Variants in TSC22D1 observed in about 807,000 individuals in gnomAD.
The protein encoded by TSC22D1 is TSC22 domain family member 1.
A neutral mutation model predicts 74.2 loss-of-function variants in TSC22D1; 9 were observed. The observed-to-expected ratio is 0.12, with a 90% CI of 0.07 to 0.21. The LOEUF (loss-of-function observed/expected upper bound fraction) is 0.21, where lower values mean the gene tolerates loss of function less well. Among genes scored for constraint, TSC22D1 ranks in the 10% least tolerant of loss-of-function variants. The pLI is 1.00. For synonymous variants in TSC22D1, 586 were observed against 492.5 expected, an observed-to-expected ratio of 1.19 and a Z score of -2.51; for missense variants, 1,427 against 1,304.7, an observed-to-expected ratio of 1.09 and a Z score of -1.44.
At position 44,575,628 on chromosome 13, in the gene TSC22D1, G is replaced by C. The variant is rs765930394; in HGVS notation, c.447C>G (p.Leu149=). 6.2e-7 allele frequency: 1 copy of C among 1,614,196 alleles called. No homozygotes were observed. The highest frequency in any genetic ancestry group is 1.1e-5 in the South Asian group (1 of 91,080). The change falls in exon 1 of 3, where the codon CTC becomes CTG. Residue 149 remains leucine, a synonymous_variant. Transcript: ENST00000458659. The part of the protein sequence containing the change: ...DDLDESHTED[L]SSSEILDVSL... ...ACACATCAAGGATCTCCGAAGAAGA[G>C]AGATCTTCCGTGTGAGATTCATCCA...
chr13:44,529,033 A>T (rs1476065914), intron 1 of TSC22D1, among the ~76,000 whole-genome samples: 1 of 152,130 alleles, frequency 6.6e-6, no homozygotes, highest in Non-Finnish European at 1.5e-5. Flanking sequence ...ATATGATACC[A>T]ATTCTCTATA....
chr13:44,515,013 C>G (rs1026073207), intron 1 of TSC22D1, among the ~76,000 whole-genome samples: 2 of 152,154 alleles, frequency 1.3e-5, no homozygotes, highest in Non-Finnish European at 2.9e-5. Context: ...GGAAAAGAGG[C>G]ATTCTCATCC....
chr13:44,474,399 A>T (rs1174246008), intron 1 of TSC22D1: 2 of 246,260 alleles, frequency 8.1e-6, no homozygotes, highest in Non-Finnish European at 1.3e-5. Flanking sequence ...GCAGTGGTCC[A>T]ATTTATTTAT....
In TSC22D1 at chr13:44,434,045, C is replaced by T; in HGVS notation, c.*581G>A. On this transcript the variant is annotated 3_prime_UTR_variant, in exon 3 of 3. Transcript: ENST00000458659. ...TCCCAGCTACCTGTCACCATTTTGT[C>T]ACTCTCATAGTTTTGTGTCATCCAT... 1 of 1,533,084 alleles carries T rather than the reference C, an allele frequency of 6.5e-7. No individual in the cohort carries two copies. The highest frequency in any genetic ancestry group is 8.7e-7 in the Non-Finnish European group (1 of 1,146,336). 95.0% of individuals were successfully genotyped at this position (1,533,084 alleles called of 1,614,324 possible). A position where few individuals can be genotyped will look rare whatever the true frequency, so the allele number is the denominator to read the frequency against.
At chr13:44,482,781 T>C (rs1186251983) in intron 1 of TSC22D1, among the ~76,000 whole-genome samples, 1 of 152,230 alleles carries the variant, frequency 6.6e-6, no homozygotes, top group Non-Finnish European at 1.5e-5. Context: ...GTTACTAAGA[T>C]AAAAATATAG....
intron 1 of TSC22D1, among the ~76,000 whole-genome samples, chr13:44,534,834 T>C (rs1397704679): frequency 6.6e-6 from 1 of 152,194 alleles, no homozygotes; most frequent in Non-Finnish European, 1.5e-5. Context: ...ACTTTCCTTT[T>C]GCTTTGCCAA....
At chr13:44,521,513 A>T (rs528081713) in intron 1 of TSC22D1, among the ~76,000 whole-genome samples, 1 of 152,284 alleles carries the variant, frequency 6.6e-6, no homozygotes, top group South Asian at 2.1e-4. Flanking sequence ...TATATTAAAA[A>T]AAGAAAGAAT....
chr13:44,490,936 A>AT (rs35585479), intron 1 of TSC22D1, among the ~76,000 whole-genome samples: 50,508 of 149,706 alleles, frequency 0.34, 10,051 homozygotes, highest in Middle Eastern at 0.53. Flanking sequence ...TCATTAAAAA[A>AT]AATATATATA....
At chr13:44,545,458 C>A (rs1881760407) in intron 1 of TSC22D1, among the ~76,000 whole-genome samples, 1 of 151,826 alleles carries the variant, frequency 6.6e-6, no homozygotes, top group Non-Finnish European at 1.5e-5. Context: ...CTAACAAATA[C>A]TTTTTTCATA....
chr13:44,550,919 G>A (rs1306159601), intron 1 of TSC22D1, among the ~76,000 whole-genome samples: 1 of 150,988 alleles, frequency 6.6e-6, no homozygotes, highest in Non-Finnish European at 1.5e-5. Context: ...CAGCCTGGGT[G>A]ACAAAGTGAG....
intron 1 of TSC22D1, among the ~76,000 whole-genome samples, chr13:44,546,782 G>C (rs947306619): frequency 6.6e-6 from 1 of 150,882 alleles, no homozygotes; most frequent in South Asian, 2.1e-4. Flanking sequence ...GTGTAGGTAT[G>C]TATGTATGTA....
chr13:44,537,899 CT>C (rs1249420949), intron 1 of TSC22D1: 2 of 985,048 alleles, frequency 2.0e-6, no homozygotes, highest in Non-Finnish European at 1.2e-6. Flanking sequence ...ATTAATAACT[CT>C]AGAATGTCTA....
intron 1 of TSC22D1, among the ~76,000 whole-genome samples, chr13:44,532,524 A>C (rs1430926309): frequency 1.3e-5 from 2 of 152,072 alleles, no homozygotes; most frequent in African/African-American, 4.8e-5. Flanking sequence ...CCCAGGCTGG[A>C]GTGCAGTGGC....
At chr13:44,455,100 T>C (rs1326096255) in intron 1 of TSC22D1, among the ~76,000 whole-genome samples, 1 of 152,090 alleles carries the variant, frequency 6.6e-6, no homozygotes, top group Non-Finnish European at 1.5e-5. Flanking sequence ...ATATACAGTA[T>C]GTGAGATAAG....
chr13:44,488,621 C>T (rs1878560882), intron 1 of TSC22D1, among the ~76,000 whole-genome samples: 1 of 152,070 alleles, frequency 6.6e-6, no homozygotes. Context: ...CTATGGTTAT[C>T]TACACAGAAA....
intron 1 of TSC22D1, among the ~76,000 whole-genome samples, chr13:44,506,418 T>G (rs1566144121): frequency 1.3e-5 from 2 of 152,000 alleles, no homozygotes; most frequent in Admixed American, 1.3e-4. Context: ...CGCTTATAAG[T>G]GGGAGCTGAA....
chr13:44,441,908 A>G (rs1261451150), intron 1 of TSC22D1, among the ~76,000 whole-genome samples: 2 of 152,182 alleles, frequency 1.3e-5, no homozygotes, highest in African/African-American at 2.4e-5. Context: ...TGGGGAAAGA[A>G]CCACCCAAAA....
At chr13:44,488,777 G>T (rs1485666774) in intron 1 of TSC22D1, among the ~76,000 whole-genome samples, 1 of 151,998 alleles carries the variant, frequency 6.6e-6, no homozygotes, top group Non-Finnish European at 1.5e-5. Flanking sequence ...AAAACACCTA[G>T]AATTTAACAA....
At chr13:44,454,723 A>G (rs931898080) in intron 1 of TSC22D1, among the ~76,000 whole-genome samples, 1 of 152,102 alleles carries the variant, frequency 6.6e-6, no homozygotes, top group African/African-American at 2.4e-5. Context: ...TTAAATAACC[A>G]CCTCATCTAG....
Sources: gnomAD v4.1 joint callset for allele counts (sites outside exome capture counted in the v4.1 genomes callset) on GRCh38, gnomAD v4.1.1 for gene constraint, MANE v1.5 for transcripts, NCBI Gene and HGNC (gene_info 2026-07-23, HGNC 2026-07-21) for gene names.